Variants in TMEM71 observed in about 807,000 individuals in gnomAD.
TMEM71 encodes the protein transmembrane protein 71.
TMEM71 carries 44 observed loss-of-function variants against 38.0 expected under a neutral mutation model. The ratio of observed to expected loss-of-function variants is 1.16; its 90% confidence interval spans 0.91 to 1.49. The LOEUF is 1.49. Ranked by LOEUF, TMEM71 falls within the 40% of genes most tolerant of loss-of-function variation. The pLI is 0.00. For missense variants in TMEM71, 367 were observed against 348.6 expected (o/e 1.05, Z -0.42); for synonymous variants, 133 against 122.5 (o/e 1.09, Z -0.56).
At chr8:132,742,753 T>C (rs1294495807) in intron 5 of TMEM71, among the ~76,000 whole-genome samples, 1 of 152,220 alleles carries the variant, frequency 6.6e-6, no homozygotes, top group Non-Finnish European at 1.5e-5. Context: ...AAACCCATTT[T>C]TAATTCAGGC....
chr8:132,708,615 A>G (rs151201774), downstream of TMEM71, among the ~76,000 whole-genome samples: 887 of 152,352 alleles, frequency 5.8e-3, 7 homozygotes, highest in African/African-American at 0.018. Flanking sequence ...GGAAGGCCTT[A>G]GCCATTGGGT....
At chr8:132,728,355 G>A (rs1048770607) in intron 5 of TMEM71, among the ~76,000 whole-genome samples, 4 of 152,130 alleles carry the variant, frequency 2.6e-5, no homozygotes, top group Admixed American at 2.6e-4. Flanking sequence ...AGAGTCAAGT[G>A]AAAAGAGAAA....
chr8:132,775,725 T>TCTTTCCGGCCCGCTCCC, the TMEM71 span: 1 of 300,256 alleles, frequency 3.3e-6, no homozygotes, highest in Non-Finnish European at 6.1e-6. Context: ...CTGGTGTCTC[T>TCTTTCCGGCCCGCTCCC]CTTTCCGGCC....
intron 3 of TMEM71, among the ~76,000 whole-genome samples, chr8:132,754,508 GTTA>G (rs1189093493): frequency 4.6e-5 from 7 of 152,022 alleles, no homozygotes; most frequent in African/African-American, 7.2e-5. Flanking sequence ...AGTTGTTGTT[GTTA>G]TTGTTGTTGT....
chr8:132,760,072 A>C (rs1467731924), intron 1 of TMEM71, among the ~76,000 whole-genome samples: 3 of 152,178 alleles, frequency 2.0e-5, no homozygotes, highest in African/African-American at 7.2e-5. Context: ...TATTAAGCTT[A>C]ATTTTAAGCC....
intron 3 of TMEM71, among the ~76,000 whole-genome samples, chr8:132,753,487 T>C (rs1474151258): frequency 6.6e-6 from 1 of 152,176 alleles, no homozygotes; most frequent in African/African-American, 2.4e-5. Flanking sequence ...GGCGGTCATG[T>C]CTGCAGCCCC....
At chr8:132,769,443 C>T in the TMEM71 span, among the ~76,000 whole-genome samples, 2 of 152,320 alleles carry the variant, frequency 1.3e-5, no homozygotes, top group African/African-American at 4.8e-5. Flanking sequence ...ATCACCCAGT[C>T]TCTAGCATTA....
intron 5 of TMEM71, among the ~76,000 whole-genome samples, chr8:132,740,989 C>T (rs907700582): frequency 1.3e-5 from 2 of 152,172 alleles, no homozygotes; most frequent in African/African-American, 4.8e-5. Flanking sequence ...AGGTTAGCCT[C>T]ACAGCAGTTT....
At chr8:132,733,590 G>A (rs1444654292) in intron 5 of TMEM71, among the ~76,000 whole-genome samples, 1 of 152,166 alleles carries the variant, frequency 6.6e-6, no homozygotes, top group African/African-American at 2.4e-5. Context: ...TTGGCAGCTT[G>A]ACAAAGCAGT....
Position 132,710,610 on chromosome 8 carries a change from A to G in TMEM71, c.*357T>C, listed in dbSNP as rs995332777. ...GTGGCAGACCCAGAAATCTGGTTAC[A>G]AGCTCCTCACAGAATTTCCTAATGA... On this transcript the variant is annotated 3_prime_UTR_variant, in exon 10 of 10. Transcript: ENST00000677595. 1 of 476,458 alleles carries G rather than the reference A, an allele frequency of 2.1e-6. No homozygotes were observed. Among genetic ancestry groups the G allele is most frequent in the African/African-American group, 2.0e-5 (1 of 49,154 alleles). 29.5% of individuals were successfully genotyped at this position (476,458 alleles called of 1,614,324 possible). A position where few individuals can be genotyped will look rare whatever the true frequency, so the allele number is the denominator to read the frequency against.
At chr8:132,753,234 G>A (rs1430947492) in intron 3 of TMEM71, among the ~76,000 whole-genome samples, 2 of 152,012 alleles carry the variant, frequency 1.3e-5, no homozygotes, top group African/African-American at 4.8e-5. Flanking sequence ...GTTACTGAAC[G>A]AAATCACCTG....
At chr8:132,771,027 A>G in the TMEM71 span, among the ~76,000 whole-genome samples, 8 of 152,234 alleles carry the variant, frequency 5.3e-5, no homozygotes, top group Admixed American at 5.2e-4. Context: ...CAATGATAAA[A>G]ATCAGGAGAG....
chr8:132,715,262 T>C (rs1431021764), intron 7 of TMEM71, among the ~76,000 whole-genome samples: 1 of 143,760 alleles, frequency 7.0e-6, no homozygotes, highest in Non-Finnish European at 1.5e-5. Context: ...AAAAAAAAAA[T>C]AGCCGGGCGT....
At chr8:132,721,549 T>G (rs1324104299) in intron 7 of TMEM71, among the ~76,000 whole-genome samples, 1 of 151,334 alleles carries the variant, frequency 6.6e-6, no homozygotes. Flanking sequence ...CTTTTTTTTT[T>G]GTCTTTTTTT....
At chr8:132,713,094 C>T (rs1457217683) in intron 9 of TMEM71, among the ~76,000 whole-genome samples, 1 of 151,854 alleles carries the variant, frequency 6.6e-6, no homozygotes, top group Non-Finnish European at 1.5e-5. Context: ...AGTCTCCTGC[C>T]TCAGCTTCCC....
chr8:132,775,482 C>T, the TMEM71 span: 1 of 377,766 alleles, frequency 2.6e-6, no homozygotes, highest in Non-Finnish European at 4.7e-6. Context: ...TCCCGCGAAA[C>T]CTTGGGCGGA....
At chr8:132,738,594 A>G (rs1827869509) in intron 5 of TMEM71, among the ~76,000 whole-genome samples, 1 of 152,216 alleles carries the variant, frequency 6.6e-6, no homozygotes, top group Admixed American at 6.5e-5. Context: ...CCTGCTTAAG[A>G]GAATCAAAAA....
At chr8:132,729,797 G>A (rs1293841672) in intron 5 of TMEM71, among the ~76,000 whole-genome samples, 1 of 152,064 alleles carries the variant, frequency 6.6e-6, no homozygotes, top group Non-Finnish European at 1.5e-5. Context: ...AGTTTCTGTA[G>A]GGACTCAAAA....
At chr8:132,712,264 T>C (rs73708350) in intron 9 of TMEM71, among the ~76,000 whole-genome samples, 2,687 of 152,168 alleles carry the variant, frequency 0.018, 82 homozygotes, top group African/African-American at 0.058. Context: ...TCAAAGTATG[T>C]ACACAAATAA....
Sources: gnomAD v4.1 joint callset for allele counts (sites outside exome capture counted in the v4.1 genomes callset) on GRCh38, gnomAD v4.1.1 for gene constraint, MANE v1.5 for transcripts, NCBI Gene and HGNC (gene_info 2026-07-23, HGNC 2026-07-21) for gene names.